Variants in CLIC4 observed in about 807,000 individuals in gnomAD.
CLIC4 encodes CLIC family member 4.
CLIC4 carries 13 observed loss-of-function variants against 24.6 expected under a neutral mutation model. The observed-to-expected ratio is 0.53, with a 90% confidence interval of 0.34 to 0.84. The LOEUF (loss-of-function observed/expected upper bound fraction) is 0.84, where lower values mean the gene tolerates loss of function less well. Ranked by LOEUF, CLIC4 falls within the 40% of genes least tolerant of loss-of-function variation. CLIC4 has a pLI of 0.01. For synonymous variants in CLIC4, 104 were observed against 111.3 expected (o/e 0.93, Z 0.41); for missense variants, 227 against 301.7 (o/e 0.75, Z 1.83).
At chr1:24,816,648 G>A (rs1412847624) in intron 3 of CLIC4, among the ~76,000 whole-genome samples, 2 of 152,152 alleles carry the variant, frequency 1.3e-5, no homozygotes, top group African/African-American at 4.8e-5. Flanking sequence ...TATGAAATGT[G>A]TTTATTAAAT....
chr1:24,799,268 G>C (rs1237918614), intron 2 of CLIC4, among the ~76,000 whole-genome samples: 3 of 143,776 alleles, frequency 2.1e-5, no homozygotes, highest in South Asian at 2.2e-4. Context: ...GCCGCCCATC[G>C]TCTGAGATGT....
intron 2 of CLIC4, among the ~76,000 whole-genome samples, chr1:24,798,654 C>T (rs1253121129): frequency 6.6e-6 from 1 of 151,316 alleles, no homozygotes; most frequent in Non-Finnish European, 1.5e-5. Flanking sequence ...CCCACGGTGT[C>T]CCTCTCTTTC....
intron 1 of CLIC4, among the ~76,000 whole-genome samples, chr1:24,786,479 G>C (rs1639268888): frequency 6.6e-6 from 1 of 152,154 alleles, no homozygotes; most frequent in African/African-American, 2.4e-5. Flanking sequence ...CACCCAGACA[G>C]CAAAGTAAAG....
intron 1 of CLIC4, among the ~76,000 whole-genome samples, chr1:24,756,797 T>G (rs1387860578): frequency 1.3e-5 from 2 of 151,930 alleles, no homozygotes; most frequent in Non-Finnish European, 2.9e-5. Context: ...CTTGGCTCAC[T>G]GCAACCTCCG....
intron 2 of CLIC4, among the ~76,000 whole-genome samples, chr1:24,807,256 C>A (rs1233192218): frequency 6.6e-6 from 1 of 151,194 alleles, no homozygotes; most frequent in Non-Finnish European, 1.5e-5. Context: ...CATGCCCTAC[C>A]CGACCTACCC....
At position 24,842,618 on chromosome 1, in the gene CLIC4, A is replaced by G. The variant is rs1335141680; in HGVS notation, c.*1681A>G. 6.6e-6 allele frequency: 1 copy of G among 152,098 alleles called. No homozygotes were observed. Among genetic ancestry groups the G allele is most frequent in the African/African-American group, 2.4e-5 (1 of 41,428 alleles). 9.4% of individuals were successfully genotyped at this position (152,098 alleles called of 1,614,324 possible). A position where few individuals can be genotyped will look rare whatever the true frequency, so the allele number is the denominator to read the frequency against. ...AAAGATAAGAAAATCTCCATGTTGTATCCATTTGGCTCAGGAAGATTCTTT... is the reference window on the plus strand; with the variant it reads ...AAAGATAAGAAAATCTCCATGTTGTGTCCATTTGGCTCAGGAAGATTCTTT... On this transcript the variant is annotated 3_prime_UTR_variant, in exon 6 of 6. Transcript: ENST00000374379.
chr1:24,820,267 C>CT (rs372726009), intron 3 of CLIC4, among the ~76,000 whole-genome samples: 42,695 of 49,648 alleles, frequency 0.86, 19,475 homozygotes, highest in Middle Eastern at 0.91. Flanking sequence ...CCTTTTTGGT[C>CT]TTTTTTTTTT....
rs552428885 is a variant in CLIC4 at position 24,750,564 on chromosome 1, C to T, written c.72+4939C>T. Among the ~76,000 whole-genome samples the T allele has an allele frequency of 7.9e-5, 12 of 151,854 alleles. 1 individual carries two copies. Among genetic ancestry groups the T allele is most frequent in the Middle Eastern group, 6.8e-3 (2 of 294 alleles). On this transcript the variant is annotated intron_variant, in intron 1 of 5. Transcript: ENST00000374379. The stretch of plus-strand genomic sequence containing the variant: ...ATTTTTAGTAGAGACAAGGTTTCTC[C>T]ATGTTGGTCAGGCTTGTCTCGAACT...
At chr1:24,753,338 A>G (rs939753323) in intron 1 of CLIC4, among the ~76,000 whole-genome samples, 5 of 152,248 alleles carry the variant, frequency 3.3e-5, no homozygotes, top group African/African-American at 9.6e-5. Flanking sequence ...GGAAGATATA[A>G]GAAATTATTA....
At position 24,813,446 on chromosome 1, in the gene CLIC4, T is replaced by TTTTA. The variant is rs1639637294; in HGVS notation, c.183-647_183-644dup. Among the ~76,000 whole-genome samples, 3 of 152,038 alleles carry TTTTA rather than the reference T, an allele frequency of 2.0e-5. No homozygotes were observed. In the South Asian group the frequency reaches 6.2e-4, roughly 32 times the overall value. Reference sequence around the variant, plus strand: ...TTTTTCTTTTTCTTTTCTGACAGGGTTTTACTCTGTCACCTAGGCTGGAGT... The same window carrying TTTTA: ...TTTTTCTTTTTCTTTTCTGACAGGGTTTTATTTACTCTGTCACCTAGGCTGGAGT... On this transcript the variant is annotated intron_variant, in intron 2 of 5. Transcript: ENST00000374379.
intron 2 of CLIC4, among the ~76,000 whole-genome samples, chr1:24,813,785 C>T (rs1557810501): frequency 6.6e-6 from 1 of 152,210 alleles, no homozygotes; most frequent in East Asian, 1.9e-4. Flanking sequence ...GTGGTGCGAT[C>T]ATGGCTCACT....
rs149921759 is a variant in CLIC4 at position 24,759,431 on chromosome 1, G to A, written c.72+13806G>A. ...AGTAAATGAGCCATGGTTGTTGGTGGTAGGTTCTTAGCACCATCTTTTTCC... is the reference window on the plus strand; with the variant it reads ...AGTAAATGAGCCATGGTTGTTGGTGATAGGTTCTTAGCACCATCTTTTTCC... On this transcript the variant is annotated intron_variant, in intron 1 of 5. Coordinates refer to ENST00000374379, the MANE Select transcript of CLIC4 (RefSeq NM_013943.3). 2.4e-3 allele frequency among the ~76,000 whole-genome samples: 372 copies of A among 151,970 alleles called. 2 individuals are homozygous for A. Among genetic ancestry groups the A allele is most frequent in the African/African-American group, 8.4e-3 (347 of 41,448 alleles).
chr1:24,839,922 C>T lies in CLIC4; in HGVS notation c.478C>T (p.Pro160Ser), dbSNP rs747907771. The part of the protein sequence containing the change: ...KLDEYLNSPL[P>S]DEIDENSMED... ...GGATGAATATCTGAATTCTCCTCTC[C>T]CTGATGAAATTGATGAAAATAGTAT... is the stretch of plus-strand genomic sequence containing the variant. The change falls in exon 5 of 6, where the codon CCT becomes TCT. Residue 160 changes from proline to serine, a missense_variant. Physicochemically the swap from Pro to Ser is moderately conservative, Grantham distance 74. Transcript: ENST00000374379. The T allele has an allele frequency of 6.2e-7, 1 of 1,613,054 alleles. No homozygotes were observed. The highest frequency in any genetic ancestry group is 2.2e-5 in the East Asian group (1 of 44,874).
At chr1:24,761,132 G>A (rs1051002745) in intron 1 of CLIC4, among the ~76,000 whole-genome samples, 6 of 152,160 alleles carry the variant, frequency 3.9e-5, no homozygotes, top group Non-Finnish European at 7.4e-5. Context: ...TGAACAGCCA[G>A]AATGATGGAG....
intron 4 of CLIC4, among the ~76,000 whole-genome samples, chr1:24,838,447 A>C (rs1639907152): frequency 6.6e-6 from 1 of 152,172 alleles, no homozygotes; most frequent in South Asian, 2.1e-4. Context: ...GACTACCATG[A>C]AGGGACCAAG....
At chr1:24,839,803 G>C in intron 4 of CLIC4, 57 bp from the exon 5 acceptor site, 1 of 1,447,588 alleles carries the variant, frequency 6.9e-7, no homozygotes, top group Non-Finnish European at 9.5e-7. Flanking sequence ...CTTCTCCTTG[G>C]GGACTTGAGT....
intron 1 of CLIC4, among the ~76,000 whole-genome samples, chr1:24,759,613 T>C (rs1340776044): frequency 1.3e-5 from 2 of 152,206 alleles, no homozygotes; most frequent in African/African-American, 4.8e-5. Flanking sequence ...TAAGGGTTGC[T>C]AGTATTACTG....
rs547360140 is a variant in CLIC4, at chr1:24,795,986, C to G, written c.73-1756C>G. 2.9e-4 allele frequency among the ~76,000 whole-genome samples: 44 copies of G among 152,290 alleles called. No individual in the cohort carries two copies. In the South Asian group the frequency reaches 6.8e-3, roughly 24 times the overall value. ...AGAATGAAAAATGATTTTTACATTTCAGAAAACCCATAACAGACTTTGCCT... is the reference window on the plus strand; with the variant it reads ...AGAATGAAAAATGATTTTTACATTTGAGAAAACCCATAACAGACTTTGCCT... On this transcript the variant is annotated intron_variant, in intron 1 of 5. Coordinates refer to ENST00000374379, the MANE Select transcript of CLIC4 (RefSeq NM_013943.3).
intron 3 of CLIC4, among the ~76,000 whole-genome samples, chr1:24,821,875 C>T (rs1313052626): frequency 1.3e-5 from 2 of 152,080 alleles, no homozygotes; most frequent in Non-Finnish European, 2.9e-5. Context: ...CGTGAGCCAC[C>T]GTGCCTGGCC....
Sources: allele counts gnomAD v4.1 joint callset (sites outside exome capture counted in the v4.1 genomes callset), GRCh38; gene constraint gnomAD v4.1.1; transcripts MANE v1.5; gene names NCBI Gene and HGNC (gene_info 2026-07-23, HGNC 2026-07-21).